Variants in ARHGEF28 observed in about 807,000 individuals in gnomAD.
The protein encoded by ARHGEF28 is 190 kDa guanine nucleotide exchange factor.
ARHGEF28 carries 152 observed loss-of-function variants against 206.6 expected under a neutral mutation model. The observed-to-expected ratio is 0.74, with a 90% CI of 0.64 to 0.84. The LOEUF (loss-of-function observed/expected upper bound fraction) is 0.84, where lower values mean the gene tolerates loss of function less well. Ranked by LOEUF, ARHGEF28 falls within the 40% of genes least tolerant of loss-of-function variation. The pLI is 0.00. For missense variants in ARHGEF28, 2,028 were observed against 2,073.2 expected (o/e 0.98, Z 0.42); for synonymous variants, 763 against 776.4 (o/e 0.98, Z 0.29).
At chr5:73,691,432 C>T (rs968685436) in intron 2 of ARHGEF28, among the ~76,000 whole-genome samples, 1 of 152,158 alleles carries the variant, frequency 6.6e-6, no homozygotes, top group Admixed American at 6.5e-5. Flanking sequence ...TCTGAGCTAA[C>T]CCTTAGAGTC....
intron 29 of ARHGEF28, among the ~76,000 whole-genome samples, chr5:73,896,810 G>A (rs1196777838): frequency 6.6e-6 from 1 of 152,192 alleles, no homozygotes; most frequent in Non-Finnish European, 1.5e-5. Flanking sequence ...CACTAACGCT[G>A]GGTTGTACGC....
At chr5:73,940,304 T>C (rs555861768) in intron 35 of ARHGEF28, among the ~76,000 whole-genome samples, 2 of 152,342 alleles carry the variant, frequency 1.3e-5, no homozygotes, top group South Asian at 2.1e-4. Context: ...CTGCTCTTGC[T>C]GAGTACTTTG....
At chr5:73,646,887 T>A (rs1175246214) in intron 1 of ARHGEF28, among the ~76,000 whole-genome samples, 4 of 109,914 alleles carry the variant, frequency 3.6e-5, no homozygotes, top group Non-Finnish European at 8.1e-5. Context: ...AGAGACCATG[T>A]TCCTTCTATT....
intron 2 of ARHGEF28, among the ~76,000 whole-genome samples, chr5:73,687,384 C>T (rs1387396030): frequency 1.5e-5 from 1 of 67,216 alleles, no homozygotes; most frequent in Non-Finnish European, 3.0e-5. Flanking sequence ...ATATATTTAA[C>T]ATAACTGACA....
At chr5:73,690,443 T>G (rs1211691277) in intron 2 of ARHGEF28, among the ~76,000 whole-genome samples, 1 of 148,022 alleles carries the variant, frequency 6.8e-6, no homozygotes, top group Non-Finnish European at 1.5e-5. Flanking sequence ...TGTGGTGGCA[T>G]ATACCTGTAA....
chr5:73,873,315 TCAA>T (rs983329787), intron 22 of ARHGEF28, 69 bp downstream of exon 22: 103 of 1,494,824 alleles, frequency 6.9e-5, no homozygotes, highest in Non-Finnish European at 8.7e-5. Flanking sequence ...TGCCCTTTCA[TCAA>T]CAAGAGTAAA....
chr5:73,649,062 C>G (rs1162592084), intron 1 of ARHGEF28, among the ~76,000 whole-genome samples: 1 of 152,178 alleles, frequency 6.6e-6, no homozygotes, highest in African/African-American at 2.4e-5. Flanking sequence ...CTCATTTATC[C>G]TTACAACTGT....
chr5:73,890,001 T>C (rs1761529353), intron 26 of ARHGEF28, among the ~76,000 whole-genome samples: 1 of 152,206 alleles, frequency 6.6e-6, no homozygotes, highest in Non-Finnish European at 1.5e-5. Flanking sequence ...TTAAATGCCG[T>C]GGCACAAATA....
chr5:73,926,851 T>G (rs1763842295), intron 35 of ARHGEF28, among the ~76,000 whole-genome samples: 1 of 152,228 alleles, frequency 6.6e-6, no homozygotes, highest in South Asian at 2.1e-4. Flanking sequence ...GGTAATAGGC[T>G]TCTTAAGGGA....
At chr5:73,882,357 T>C (rs1353996167) in intron 22 of ARHGEF28, 115 bp from the exon 23 acceptor site, 1 of 761,946 alleles carries the variant, frequency 1.3e-6, no homozygotes, top group East Asian at 3.3e-5. Flanking sequence ...AGAAATTCCA[T>C]GATATTTATT....
At chr5:73,730,804 T>C (rs970655858) in intron 2 of ARHGEF28, among the ~76,000 whole-genome samples, 5 of 152,302 alleles carry the variant, frequency 3.3e-5, no homozygotes, top group Non-Finnish European at 5.9e-5. Context: ...GATTTGAAAA[T>C]GAAAAATTTA....
chr5:73,651,103 C>T (rs1428187087), intron 1 of ARHGEF28, among the ~76,000 whole-genome samples: 2 of 152,160 alleles, frequency 1.3e-5, no homozygotes, highest in Non-Finnish European at 2.9e-5. Context: ...TTCGTGAGAA[C>T]TCAGCTCTGA....
intron 14 of ARHGEF28, among the ~76,000 whole-genome samples, chr5:73,856,522 T>C (rs1213629773): frequency 1.3e-5 from 2 of 152,220 alleles, no homozygotes; most frequent in Non-Finnish European, 2.9e-5. Flanking sequence ...AAACCTAATA[T>C]AGAGCTTAAA....
intron 7 of ARHGEF28, among the ~76,000 whole-genome samples, chr5:73,780,992 C>G (rs1402800953): frequency 6.6e-6 from 1 of 152,176 alleles, no homozygotes; most frequent in East Asian, 1.9e-4. Flanking sequence ...GCCAGGTCCT[C>G]TCGCATTCCT....
At position 73,940,897 on chromosome 5, in the gene ARHGEF28, C is replaced by T. The variant is rs767481206; in HGVS notation, c.5002C>T (p.Arg1668Cys). ...AACCCCCCATGACTCAAATTCACAC[C>T]GCCCTCAACTGCAGGCGTTTATAAC... Reference protein sequence around the residue: ...SPTPHDSNSHRPQLQAFITEA... With the variant: ...SPTPHDSNSHCPQLQAFITEA... Residue 1668 changes from arginine (R) to cysteine (C), a missense_variant, in exon 36 of 36, where the codon CGC becomes TGC. By Grantham distance (180) the Arg-to-Cys change is radical. Around this residue, in one of 3 missense-constraint regions of ARHGEF28, gnomAD observed 803 missense variants for 768.0 expected, o/e 1.05. Coordinates refer to ENST00000513042, the MANE Select transcript of ARHGEF28 (RefSeq NM_001177693.2). The T allele has an allele frequency of 8.8e-5, 135 of 1,533,142 alleles. No homozygotes were observed. Among genetic ancestry groups the T allele is most frequent in the Middle Eastern group, 1.7e-4 (1 of 6,006 alleles). 95.0% of individuals were successfully genotyped at this position (1,533,142 alleles called of 1,614,324 possible). A position where few individuals can be genotyped will look rare whatever the true frequency, so the allele number is the denominator to read the frequency against.
chr5:73,879,713 A>T (rs1299921360), intron 22 of ARHGEF28, among the ~76,000 whole-genome samples: 1 of 152,172 alleles, frequency 6.6e-6, no homozygotes, highest in African/African-American at 2.4e-5. Flanking sequence ...TTGCCTGGGT[A>T]TCAGCAGCGG....
At chr5:73,756,376 ATTC>A (rs1209002951) in intron 4 of ARHGEF28, among the ~76,000 whole-genome samples, 1 of 152,234 alleles carries the variant, frequency 6.6e-6, no homozygotes, top group Non-Finnish European at 1.5e-5. Context: ...ATTGTAAGCA[ATTC>A]TTTGAAAATT....
chr5:73,798,334 T>C (rs1474534376), intron 9 of ARHGEF28, among the ~76,000 whole-genome samples: 1 of 152,238 alleles, frequency 6.6e-6, no homozygotes, highest in Non-Finnish European at 1.5e-5. Context: ...CTTTCCATTT[T>C]TTTTTGTACC....
chr5:73,653,027 A>G (rs922138299), intron 1 of ARHGEF28, among the ~76,000 whole-genome samples: 1 of 152,232 alleles, frequency 6.6e-6, no homozygotes, highest in African/African-American at 2.4e-5. Flanking sequence ...TACATTTGGC[A>G]TCATCAGCCT....
Sources: allele counts gnomAD v4.1 joint callset (sites outside exome capture counted in the v4.1 genomes callset), GRCh38; gene constraint gnomAD v4.1.1; regional missense constraint gnomAD v4.1.1; transcripts MANE v1.5; gene names NCBI Gene and HGNC (gene_info 2026-07-23, HGNC 2026-07-21).